Variants in XXYLT1 observed in about 807,000 individuals in gnomAD.
XXYLT1 encodes the protein xyloside xylosyltransferase 1.
Under a neutral mutation model 28.9 loss-of-function variants are expected in XXYLT1, and 20 were observed. That is an observed-to-expected ratio of 0.69 (90% CI 0.49 to 1.00). The LOEUF is 1.00. Ranked by LOEUF, XXYLT1 falls within the 50% of genes least tolerant of loss-of-function variation. The pLI is 0.00. For synonymous variants in XXYLT1, 257 were observed against 253.8 expected, an observed-to-expected ratio of 1.01 and a Z score of -0.12; for missense variants, 542 against 560.1, an observed-to-expected ratio of 0.97 and a Z score of 0.33.
chr3:195,150,347 T>G lies in XXYLT1; in HGVS notation c.785+6102A>C, dbSNP rs753068009. ...GGTAGTCAGTCCACACCCTCCCTTCTTCCCTCTGTGCTGGCGCTCACTCCC... is the reference window on the plus strand; with the variant it reads ...GGTAGTCAGTCCACACCCTCCCTTCGTCCCTCTGTGCTGGCGCTCACTCCC... On this transcript the variant is annotated intron_variant, in intron 3 of 3. Coordinates refer to ENST00000310380, the MANE Select transcript of XXYLT1 (RefSeq NM_152531.5). This position sits in a 1 kb window ranked among gnomAD's most constrained non-coding sequence, Gnocchi z 4.7. Among the ~76,000 whole-genome samples the G allele has an allele frequency of 1.3e-5, 2 of 152,124 alleles. No individual in the cohort carries two copies. Among genetic ancestry groups the G allele is most frequent in the Non-Finnish European group, 2.9e-5 (2 of 67,994 alleles).
At position 195,129,990 on chromosome 3, in the gene XXYLT1, CT is replaced by C. The variant is rs976956407; in HGVS notation, c.785+26458del. ...CAGCACCTGTTATTGTCCTGCCTTT[CT>C]TTTTTTATTATAGCTGACCAGTGGA... On this transcript the variant is annotated intron_variant, in intron 3 of 3. Coordinates refer to ENST00000310380, the MANE Select transcript of XXYLT1 (RefSeq NM_152531.5). The surrounding 1 kb of genome is among the most constrained non-coding windows in gnomAD (Gnocchi z 4.4). Among the ~76,000 whole-genome samples the C allele has an allele frequency of 2.0e-5, 3 of 152,198 alleles. No homozygotes were observed. The highest frequency in any genetic ancestry group is 7.2e-5 in the African/African-American group (3 of 41,444).
chr3:195,096,772 G>C (rs1298490068), intron 3 of XXYLT1, among the ~76,000 whole-genome samples: 1 of 152,172 alleles, frequency 6.6e-6, no homozygotes, highest in Non-Finnish European at 1.5e-5. Flanking sequence ...TGTAAAGCTT[G>C]GTTTCCATAG....
At chr3:195,178,709 C>A (rs1042789777) in intron 2 of XXYLT1, among the ~76,000 whole-genome samples, 1 of 152,192 alleles carries the variant, frequency 6.6e-6, no homozygotes, top group Non-Finnish European at 1.5e-5. Flanking sequence ...TTGAGGGGAG[C>A]AGAGACCAAC....
At chr3:195,082,832 CA>C (rs1026471351) in intron 3 of XXYLT1, among the ~76,000 whole-genome samples, 138 of 142,748 alleles carry the variant, frequency 9.7e-4, no homozygotes, top group African/African-American at 1.8e-3. Context: ...AACTCCATCT[CA>C]AAAAAAAAAA....
rs1050247550 is a variant in XXYLT1 at position 195,257,970 on chromosome 3, C to T, written c.504+12585G>A. ...CAATCCTCGACCCTGTGTCTTCCTA[C>T]CCCCTAGACAGCAGGTGGCCAAGGG... On this transcript the variant is annotated intron_variant, in intron 1 of 3. Coordinates refer to ENST00000310380, the MANE Select transcript of XXYLT1 (RefSeq NM_152531.5). This position sits in a 1 kb window ranked among gnomAD's most constrained non-coding sequence, Gnocchi z 4.3. 6.6e-6 allele frequency among the ~76,000 whole-genome samples: 1 copy of T among 152,262 alleles called. No individual in the cohort carries two copies. The highest frequency in any genetic ancestry group is 1.9e-4 in the East Asian group (1 of 5,180).
chr3:195,079,014 C>T (rs1303623935), intron 3 of XXYLT1, among the ~76,000 whole-genome samples: 1 of 152,222 alleles, frequency 6.6e-6, no homozygotes, highest in Non-Finnish European at 1.5e-5. Flanking sequence ...CGTCCTGACC[C>T]ACCCTGCACA....
chr3:195,190,911 AAAG>A (rs1162546739), intron 2 of XXYLT1, among the ~76,000 whole-genome samples: 3 of 152,188 alleles, frequency 2.0e-5, no homozygotes, highest in Non-Finnish European at 2.9e-5. Context: ...TAAAAAATCA[AAAG>A]AAGAATTAAA....
chr3:195,111,261 A>T (rs1253824463), intron 3 of XXYLT1, among the ~76,000 whole-genome samples: 1 of 152,114 alleles, frequency 6.6e-6, no homozygotes, highest in Non-Finnish European at 1.5e-5. Flanking sequence ...TTATAAGAAC[A>T]CCAGTCATAC....
chr3:195,145,727 G>A (rs9867431), intron 3 of XXYLT1, among the ~76,000 whole-genome samples: 100 of 152,326 alleles, frequency 6.6e-4, no homozygotes, highest in African/African-American at 2.0e-3. Flanking sequence ...ATGAGCGCTC[G>A]TCTACAGACG....
chr3:195,135,346 T>C (rs1406590964), intron 3 of XXYLT1, among the ~76,000 whole-genome samples: 1 of 152,134 alleles, frequency 6.6e-6, no homozygotes, highest in East Asian at 1.9e-4. Flanking sequence ...CCAAGGTGGA[T>C]AGGAAGGGAC....
intron 1 of XXYLT1, among the ~76,000 whole-genome samples, chr3:195,244,687 AG>A (rs932933960): frequency 7.4e-6 from 1 of 134,476 alleles, no homozygotes; most frequent in African/African-American, 2.9e-5. Context: ...GCGTGAACCC[AG>A]GGGGCAGAGC....
chr3:195,106,529 G>A (rs907478677), intron 3 of XXYLT1, among the ~76,000 whole-genome samples: 3 of 152,244 alleles, frequency 2.0e-5, no homozygotes, highest in Admixed American at 6.5e-5. Context: ...GGTGATTCGG[G>A]GCTGCGGTGG....
rs187356759 is a variant in XXYLT1 at position 195,236,220 on chromosome 3, C to T, written c.505-9364G>A. On this transcript the variant is annotated intron_variant, in intron 1 of 3. Coordinates refer to ENST00000310380, the MANE Select transcript of XXYLT1 (RefSeq NM_152531.5). ...TGGGCCCCAGGCAGGTCCAGAGATG[C>T]TATCTGTGAGCCAGGGCCTGCAATC... is the stretch of plus-strand genomic sequence containing the variant. 1.6e-4 allele frequency among the ~76,000 whole-genome samples: 25 copies of T among 152,264 alleles called. 1 individual carries two copies. The East Asian group carries it at 4.2e-3, about 26-fold the overall frequency.
chr3:195,185,503 G>GT (rs10576287), intron 2 of XXYLT1, among the ~76,000 whole-genome samples: 2,786 of 126,108 alleles, frequency 0.022, 60 homozygotes, highest in African/African-American at 0.061. Flanking sequence ...TTAGGGCTGG[G>GT]TTTTTTTTTT....
chr3:195,141,893 C>A (rs1325398247), intron 3 of XXYLT1, among the ~76,000 whole-genome samples: 1 of 152,262 alleles, frequency 6.6e-6, no homozygotes, highest in Non-Finnish European at 1.5e-5. Context: ...ATGGCTAATG[C>A]ATTCCCTGAG....
rs757150274 is a variant in XXYLT1, at chr3:195,069,696, G to GA, written c.*18_*19insT. The GA allele has an allele frequency of 1.9e-6, 3 of 1,597,700 alleles. No individual in the cohort carries two copies. In the African/African-American group the frequency reaches 4.0e-5, roughly 21 times the overall value. ...TTCCCCCAGATCTGGAGGCCCCGGG[G>GA]GCAAGGCACGGGGAGCGCCTAGTCC... On this transcript the variant is annotated 3_prime_UTR_variant, in exon 4 of 4. Coordinates refer to ENST00000310380, the MANE Select transcript of XXYLT1 (RefSeq NM_152531.5).
At chr3:195,196,043 A>G (rs1481687570) in intron 2 of XXYLT1, among the ~76,000 whole-genome samples, 2 of 152,232 alleles carry the variant, frequency 1.3e-5, no homozygotes, top group Middle Eastern at 3.4e-3. Context: ...TGGCTTCTTC[A>G]ATCACCCAGG....
At chr3:195,190,263 C>T (rs997968602) in intron 2 of XXYLT1, among the ~76,000 whole-genome samples, 3 of 151,912 alleles carry the variant, frequency 2.0e-5, no homozygotes, top group Non-Finnish European at 2.9e-5. Flanking sequence ...GAGAAGCCAA[C>T]GTGGGTGGAT....
rs543368107 is a variant in XXYLT1 at position 195,180,618 on chromosome 3, G to C, written c.653-24037C>G. ...GCGTGATGTGGCCCCGTCTGGCTAA[G>C]AGCACCAGACGGCGGTGGCTGGAGC... On this transcript the variant is annotated intron_variant, in intron 2 of 3. Coordinates refer to ENST00000310380, the MANE Select transcript of XXYLT1 (RefSeq NM_152531.5). The surrounding 1 kb of genome is among the most constrained non-coding windows in gnomAD (Gnocchi z 5.8). The C allele has an allele frequency of 4.3e-6, 4 of 934,506 alleles. No homozygotes were observed. Among genetic ancestry groups the C allele is most frequent in the Non-Finnish European group, 5.1e-6 (4 of 783,342 alleles). 57.9% of individuals were successfully genotyped at this position (934,506 alleles called of 1,614,324 possible).
Sources: allele counts gnomAD v4.1 joint callset (sites outside exome capture counted in the v4.1 genomes callset), GRCh38; gene constraint gnomAD v4.1.1; non-coding constraint Gnocchi (gnomAD v3.1); transcripts MANE v1.5; gene names NCBI Gene and HGNC (gene_info 2026-07-23, HGNC 2026-07-21).